The following ADAP1 variants were observed in gnomAD, a reference collection of about 807,000 sequenced individuals.
The protein encoded by ADAP1 is arf-GAP with dual PH domain-containing protein 1.
Under a neutral mutation model 54.9 loss-of-function variants are expected in ADAP1, and 31 were observed. That is an observed-to-expected ratio of 0.56 (90% CI 0.42 to 0.76). The LOEUF (loss-of-function observed/expected upper bound fraction) is 0.76, where lower values mean the gene tolerates loss of function less well. Ranked by LOEUF, ADAP1 falls within the 30% of genes least tolerant of loss-of-function variation. The probability of loss-of-function intolerance (pLI) is 0.00; values close to 1 mark genes in which losing one functional copy is unlikely to be tolerated. For synonymous variants in ADAP1, 313 were observed against 202.6 expected (o/e 1.55, Z -4.63); for missense variants, 535 against 512.4 (o/e 1.04, Z -0.42).
Position 906,870 on chromosome 7 carries a change from C to G in ADAP1, c.389-1698G>C, listed in dbSNP as rs372412476. Among the ~76,000 whole-genome samples, 41 of 125,934 alleles carry G rather than the reference C, an allele frequency of 3.3e-4. No homozygotes were observed. The South Asian group carries it at 6.4e-3, about 20-fold the overall frequency. The allele number at this position is 125,934 out of a possible 152,430, so 82.6% of individuals were successfully genotyped here. On this transcript the variant is annotated intron_variant, in intron 4 of 10. Transcript: ENST00000265846. ...GAGGGGATATGACAGTGGACCAGCG[C>G]TGTTGGCTGCAACCCTGGCCCAAGC...
intron 6 of ADAP1, 79 bp downstream of exon 6, chr7:904,047 C>T: frequency 6.3e-7 from 1 of 1,584,226 alleles, no homozygotes; most frequent in South Asian, 1.1e-5. Context: ...ACCGTCCAAG[C>T]ACCCACCTTC....
chr7:910,833 AC>A (rs561576913), intron 4 of ADAP1, among the ~76,000 whole-genome samples: 1 of 151,780 alleles, frequency 6.6e-6, no homozygotes, highest in Non-Finnish European at 1.5e-5. Flanking sequence ...TGATCACTGC[AC>A]CCCGGCCGTC....
chr7:948,911 G>T (rs904339892), intron 1 of ADAP1, among the ~76,000 whole-genome samples: 38 of 152,144 alleles, frequency 2.5e-4, no homozygotes, highest in African/African-American at 8.9e-4. Context: ...TGGCCAGGAT[G>T]GTCCTGATCT....
In ADAP1 at chr7:926,998, C is replaced by T; in HGVS notation, c.214-354G>A. 1 of 1,261,298 alleles carries T rather than the reference C, an allele frequency of 7.9e-7. No homozygotes were observed. The highest frequency in any genetic ancestry group is 1.0e-6 in the Non-Finnish European group (1 of 977,288). The allele number at this position is 1,261,298 out of a possible 1,614,324, so 78.1% of individuals were successfully genotyped here. ...GGAGAGAGCTGGCTGCATCCTGTGA[C>T]CCCCATCTCTGCCCCAGAGAGCGAG... On this transcript the variant is annotated intron_variant, in intron 2 of 10. Transcript: ENST00000265846. The surrounding 1 kb of genome is among the most constrained non-coding windows in gnomAD (Gnocchi z 4.6).
chr7:940,287 G>A (rs745311254), intron 1 of ADAP1, among the ~76,000 whole-genome samples: 20 of 151,034 alleles, frequency 1.3e-4, no homozygotes, highest in East Asian at 5.8e-4. Flanking sequence ...GCAGTGAGCC[G>A]AGATGGCACG....
At position 906,774 on chromosome 7, in the gene ADAP1, ACAGGGGACACG is replaced by A. The variant is rs1845461876; in HGVS notation, c.389-1613_389-1603del. 2.8e-4 allele frequency among the ~76,000 whole-genome samples: 4 copies of A among 14,436 alleles called. 1 individual carries two copies. The highest frequency in any genetic ancestry group is 1.7e-3 in the African/African-American group (4 of 2,332). The allele number at this position is 14,436 out of a possible 152,430, so 9.5% of individuals were successfully genotyped here. A position where few individuals can be genotyped will look rare whatever the true frequency, so the allele number is the denominator to read the frequency against. Reference sequence around the variant, plus strand: ...GGGACATGGACAGGGGACATGGGGGACAGGGGACACGGGGGACGGGACAGGGGACATGGGGG... The same window carrying A: ...GGGACATGGACAGGGGACATGGGGGAGGGGACGGGACAGGGGACATGGGGG... On this transcript the variant is annotated intron_variant, in intron 4 of 10. Coordinates refer to ENST00000265846, the MANE Select transcript of ADAP1 (RefSeq NM_006869.4).
chr7:936,103 C>T (rs903236000), intron 1 of ADAP1, among the ~76,000 whole-genome samples: 1 of 152,158 alleles, frequency 6.6e-6, no homozygotes, highest in Admixed American at 6.5e-5. Flanking sequence ...CTGCATGTGG[C>T]CTGTCTAGGG....
In ADAP1 at chr7:935,399, G is replaced by C; in HGVS notation, c.189C>G (p.Asp63Glu). 6.4e-7 allele frequency: 1 copy of C among 1,560,528 alleles called. No individual in the cohort carries two copies. Among genetic ancestry groups the C allele is most frequent in the Non-Finnish European group, 8.7e-7 (1 of 1,151,996 alleles). ...QVSKVKSVRL[D>E]AWEEAQVEFM... Reference sequence around the variant, plus strand: ...CCTCCACTTGGGCCTCCTCCCAGGCGTCCAGGCGGACGGACTTCACCTTGC... The same window carrying C: ...CCTCCACTTGGGCCTCCTCCCAGGCCTCCAGGCGGACGGACTTCACCTTGC... Residue 63 changes from aspartate (D) to glutamate (E), a missense_variant, in exon 2 of 11, where the codon GAC becomes GAG. Physicochemically the swap from Asp to Glu is conservative, Grantham distance 45. Transcript: ENST00000265846.
chr7:919,556 CAG>C (rs892408940), intron 4 of ADAP1, among the ~76,000 whole-genome samples: 2 of 132,374 alleles, frequency 1.5e-5, no homozygotes, highest in African/African-American at 6.0e-5. Flanking sequence ...GAGGGAGAGA[CAG>C]AGATAGAGAG....
intron 4 of ADAP1, among the ~76,000 whole-genome samples, chr7:909,138 GGCGCC>G (rs1845605340): frequency 7.7e-5 from 11 of 143,002 alleles, no homozygotes; most frequent in East Asian, 6.2e-4. Flanking sequence ...CCCGACAGCA[GGCGCC>G]AGCGGGAACC....
At chr7:942,295 G>A (rs561256526) in intron 1 of ADAP1, among the ~76,000 whole-genome samples, 3 of 148,820 alleles carry the variant, frequency 2.0e-5, no homozygotes, top group African/African-American at 4.9e-5. Context: ...AGGAGGAAGA[G>A]AGAGGAGGAG....
intron 6 of ADAP1, among the ~76,000 whole-genome samples, chr7:901,741 C>A (rs558100276): frequency 6.6e-6 from 1 of 151,544 alleles, no homozygotes; most frequent in Non-Finnish European, 1.5e-5. Context: ...CCAACCAGCC[C>A]GAGGCCCCGC....
intron 4 of ADAP1, among the ~76,000 whole-genome samples, chr7:907,819 G>A (rs557880630): frequency 2.0e-5 from 3 of 152,302 alleles, no homozygotes; most frequent in East Asian, 1.9e-4. Flanking sequence ...GGTCCTCAGT[G>A]GGTGCAGACT....
chr7:900,702 G>GCTGGGGT, intron 6 of ADAP1, 86 bp from the exon 7 acceptor site: 134 of 1,198,730 alleles, frequency 1.1e-4, no homozygotes, highest in Non-Finnish European at 1.4e-4. Context: ...CCACAGAGGG[G>GCTGGGGT]CCGCTTCCCC....
intron 1 of ADAP1, among the ~76,000 whole-genome samples, chr7:948,043 C>T (rs1417475265): frequency 6.6e-6 from 1 of 151,922 alleles, no homozygotes; most frequent in African/African-American, 2.4e-5. Context: ...CCACTGAGGA[C>T]CCAGCACTGC....
Position 898,904 on chromosome 7 carries a change from T to G in ADAP1, c.*17A>C. 3.1e-6 allele frequency: 5 copies of G among 1,592,474 alleles called. No homozygotes were observed. The highest frequency in any genetic ancestry group is 4.3e-6 in the Non-Finnish European group (5 of 1,170,604). ...GCCACAGTGAGTCCAATGTCCGTGGTCCTCCAGCCGCACTCGCTAAGGTTT... is the reference window on the plus strand; with the variant it reads ...GCCACAGTGAGTCCAATGTCCGTGGGCCTCCAGCCGCACTCGCTAAGGTTT... On this transcript the variant is annotated 3_prime_UTR_variant, in exon 11 of 11. Transcript: ENST00000265846.
intron 2 of ADAP1, among the ~76,000 whole-genome samples, chr7:929,739 AACT>A (rs1031367635): frequency 1.3e-5 from 2 of 152,050 alleles, no homozygotes; most frequent in Admixed American, 6.6e-5. Context: ...GCTTCACTAA[AACT>A]ACTGAACTGT....
chr7:898,437 G>A lies in ADAP1; in HGVS notation c.*484C>T, dbSNP rs1562903171. 4.7e-6 allele frequency: 1 copy of A among 214,496 alleles called. No individual in the cohort carries two copies. The highest frequency in any genetic ancestry group is 9.5e-6 in the Non-Finnish European group (1 of 104,980). The allele number at this position is 214,496 out of a possible 1,614,324, so 13.3% of individuals were successfully genotyped here. On this transcript the variant is annotated 3_prime_UTR_variant, in exon 11 of 11. Transcript: ENST00000265846. ...CACCCCACGGCCCTCATAGCCCCGT[G>A]ACACACAACAGGCGCTCAATAAATA...
intron 9 of ADAP1, 21 bp from the exon 10 acceptor site, chr7:899,282 G>A (rs1295581432): frequency 1.2e-6 from 2 of 1,611,802 alleles, no homozygotes; most frequent in Admixed American, 1.7e-5. Context: ...GGACCGCACT[G>A]GAGGCGGGGC....
Sources: gnomAD v4.1 joint callset for allele counts (sites outside exome capture counted in the v4.1 genomes callset) on GRCh38, gnomAD v4.1.1 for gene constraint, Gnocchi (gnomAD v3.1) non-coding constraint, MANE v1.5 for transcripts, NCBI Gene and HGNC (gene_info 2026-07-23, HGNC 2026-07-21) for gene names.